The following C1orf87 variants were observed in gnomAD, a reference collection of about 807,000 sequenced individuals.
C1orf87 encodes the protein uncharacterized protein C1orf87.
C1orf87 carries 58 observed loss-of-function variants against 60.5 expected under a neutral mutation model. The ratio of observed to expected loss-of-function variants is 0.96; its 90% CI spans 0.78 to 1.19. C1orf87 has a LOEUF of 1.19. Among genes scored for constraint, C1orf87 ranks in the 50% most tolerant of loss-of-function variants. The pLI, the probability that C1orf87 is intolerant of heterozygous loss-of-function variation, is 0.00. For synonymous variants in C1orf87, 236 were observed against 227.4 expected, an observed-to-expected ratio of 1.04 and a Z score of -0.34; for missense variants, 673 against 638.6, an observed-to-expected ratio of 1.05 and a Z score of -0.58.
intron 2 of C1orf87, among the ~76,000 whole-genome samples, chr1:60,067,556 TGG>T (rs67008567): frequency 1.4e-4 from 16 of 115,974 alleles, no homozygotes; most frequent in South Asian, 3.0e-4. Flanking sequence ...CACTTTTTGA[TGG>T]GGTTTTTTTT....
At chr1:60,065,214 A>T (rs1166924998) in intron 2 of C1orf87, among the ~76,000 whole-genome samples, 2 of 150,624 alleles carry the variant, frequency 1.3e-5, no homozygotes, top group Admixed American at 1.3e-4. Flanking sequence ...AGTAAATGAG[A>T]ATGTCAGATG....
intron 6 of C1orf87, among the ~76,000 whole-genome samples, chr1:60,035,861 A>C (rs1645272186): frequency 6.6e-6 from 1 of 152,210 alleles, no homozygotes; most frequent in Non-Finnish European, 1.5e-5. Flanking sequence ...ATGTCAAATA[A>C]ATAACAGAAA....
At chr1:60,009,373 T>C (rs920723009) in intron 9 of C1orf87, among the ~76,000 whole-genome samples, 2 of 152,042 alleles carry the variant, frequency 1.3e-5, no homozygotes, top group African/African-American at 2.4e-5. Flanking sequence ...AGTCTGGCCA[T>C]GCGTACACCT....
chr1:59,991,586 T>C (rs1644924069), intron 11 of C1orf87, among the ~76,000 whole-genome samples: 1 of 152,224 alleles, frequency 6.6e-6, no homozygotes, highest in Admixed American at 6.5e-5. Flanking sequence ...GTTGAATCTG[T>C]AGTTGCGGAA....
At chr1:60,041,984 C>T (rs1645328504) in intron 3 of C1orf87, among the ~76,000 whole-genome samples, 1 of 152,122 alleles carries the variant, frequency 6.6e-6, no homozygotes, top group African/African-American at 2.4e-5. Context: ...TTTGTTCTGC[C>T]CTGCCTTGCC....
At chr1:60,053,499 G>A (rs1369694816) in intron 3 of C1orf87, among the ~76,000 whole-genome samples, 1 of 152,152 alleles carries the variant, frequency 6.6e-6, no homozygotes, top group Non-Finnish European at 1.5e-5. Context: ...ATCCATCTAA[G>A]TGTTAGTTCT....
intron 10 of C1orf87, among the ~76,000 whole-genome samples, chr1:59,999,934 G>A (rs1191373959): frequency 1.3e-5 from 2 of 152,030 alleles, no homozygotes; most frequent in African/African-American, 2.4e-5. Flanking sequence ...CCTGTGGGAC[G>A]CCTTCCCCAA....
intron 2 of C1orf87, among the ~76,000 whole-genome samples, chr1:60,062,265 A>C (rs962241590): frequency 2.6e-5 from 4 of 152,156 alleles, no homozygotes; most frequent in African/African-American, 7.2e-5. Context: ...TTTTTAACTA[A>C]AGCCATCCTT....
chr1:60,019,994 A>G (rs1169848733), intron 8 of C1orf87, among the ~76,000 whole-genome samples: 1 of 152,224 alleles, frequency 6.6e-6, no homozygotes, highest in African/African-American at 2.4e-5. Flanking sequence ...GTAGAAAGGA[A>G]AAGCACATTT....
At chr1:60,072,034 C>T (rs1057193252) in intron 2 of C1orf87, among the ~76,000 whole-genome samples, 4 of 152,060 alleles carry the variant, frequency 2.6e-5, no homozygotes, top group Admixed American at 1.3e-4. Flanking sequence ...AAATGTGACT[C>T]TGATGGGTTT....
intron 8 of C1orf87, among the ~76,000 whole-genome samples, chr1:60,015,071 C>T (rs1240344243): frequency 6.6e-6 from 1 of 152,132 alleles, no homozygotes; most frequent in East Asian, 1.9e-4. Flanking sequence ...CCTTTAGGGA[C>T]TATATTAGTT....
rs11415374 is a variant in C1orf87, at chr1:60,047,732, C to CAAA, written c.343-6604_343-6602dup. On this transcript the variant is annotated intron_variant, in intron 3 of 11. Coordinates refer to ENST00000371201, the MANE Select transcript of C1orf87 (RefSeq NM_152377.3). ...TCTTCTATACCCCAAATAGCAAGTC[C>CAAA]AAAAAAAAAAAAGAGAAAACCATCA... 1.5e-3 allele frequency among the ~76,000 whole-genome samples: 220 copies of CAAA among 145,786 alleles called. 2 individuals are homozygous for CAAA. The highest frequency in any genetic ancestry group is 5.8e-3 in the South Asian group (27 of 4,620).
rs139126465 is a variant in C1orf87, at chr1:60,025,381, C to A, written c.1127+20G>T. 9 of 1,577,604 alleles carry A rather than the reference C, an allele frequency of 5.7e-6. No homozygotes were observed. Among genetic ancestry groups the A allele is most frequent in the Non-Finnish European group, 7.8e-6 (9 of 1,149,120 alleles). On this transcript the variant is annotated intron_variant, in intron 8 of 11. Coordinates refer to ENST00000371201, the MANE Select transcript of C1orf87 (RefSeq NM_152377.3). ...GGGTGGTGGATACAAACATTCAGTT[C>A]TTAATAAGAGTTGACTTACTTTATT...
At chr1:60,030,376 A>C (rs1645229421) in intron 7 of C1orf87, among the ~76,000 whole-genome samples, 1 of 152,206 alleles carries the variant, frequency 6.6e-6, no homozygotes, top group Non-Finnish European at 1.5e-5. Flanking sequence ...GACAAACTAC[A>C]GAAGGAGGTC....
chr1:60,014,088 C>CT (rs1645108769), intron 8 of C1orf87, among the ~76,000 whole-genome samples: 1 of 152,092 alleles, frequency 6.6e-6, no homozygotes. Context: ...CAACTTTCTG[C>CT]TGTCATTCTT....
At chr1:60,048,379 A>G (rs977161495) in intron 3 of C1orf87, among the ~76,000 whole-genome samples, 1 of 152,086 alleles carries the variant, frequency 6.6e-6, no homozygotes, top group Non-Finnish European at 1.5e-5. Flanking sequence ...TCTGGGGTGA[A>G]ATTTTGCAAG....
intron 11 of C1orf87, among the ~76,000 whole-genome samples, chr1:59,993,579 A>T (rs372523330): frequency 6.6e-6 from 1 of 152,060 alleles, no homozygotes; most frequent in Non-Finnish European, 1.5e-5. Flanking sequence ...TTTACCATTG[A>T]TAGAAGATGC....
At chr1:60,054,478 G>A (rs1414414662) in intron 3 of C1orf87, among the ~76,000 whole-genome samples, 2 of 152,210 alleles carry the variant, frequency 1.3e-5, no homozygotes, top group Admixed American at 1.3e-4. Flanking sequence ...GTGTACTGCA[G>A]AATCTAATTC....
chr1:60,001,763 AC>A (rs1398943160), intron 9 of C1orf87, among the ~76,000 whole-genome samples: 1 of 152,014 alleles, frequency 6.6e-6, no homozygotes, highest in Non-Finnish European at 1.5e-5. Flanking sequence ...ACCAGGCACA[AC>A]CTTTCTCATC....
Sources: allele counts gnomAD v4.1 joint callset (sites outside exome capture counted in the v4.1 genomes callset), GRCh38; gene constraint gnomAD v4.1.1; transcripts MANE v1.5; gene names NCBI Gene and HGNC (gene_info 2026-07-23, HGNC 2026-07-21).